Variants in SERPINE3 observed in about 807,000 individuals in gnomAD.
The protein encoded by SERPINE3 is serpin family E member 3, also known as serpin E3.
In SERPINE3, 43 loss-of-function variants were observed where a neutral mutation model predicts 41.7. The observed-to-expected ratio is 1.03, with a 90% CI of 0.81 to 1.33. SERPINE3 has a LOEUF of 1.33. SERPINE3 is among the 40% of genes most tolerant of loss of function. The pLI is 0.00. For missense variants in SERPINE3, 440 were observed against 491.7 expected (o/e 0.89, Z 0.99); for synonymous variants, 200 against 192.2 (o/e 1.04, Z -0.34).
rs764715360 is a variant in SERPINE3 at position 51,341,271 on chromosome 13, C to G, written c.180C>G (p.Pro60=). ...TCTCTCCTGCTGGTGTGTCCCTCCC[C>G]CTGGAGATCCTGCAGTTTGGAGCAG... The part of the protein sequence containing the change: ...FVISPAGVSL[P]LEILQFGAEG... Residue 60 remains proline (P), a synonymous_variant, in exon 3 of 10, where the codon CCC becomes CCG. Coordinates refer to ENST00000681248, the MANE Select transcript of SERPINE3 (RefSeq NM_001386375.1). 6.2e-7 allele frequency: 1 copy of G among 1,613,962 alleles called. No individual in the cohort carries two copies. Among genetic ancestry groups the G allele is most frequent in the Non-Finnish European group, 8.5e-7 (1 of 1,179,860 alleles).
intron 5 of SERPINE3, 32 bp from the exon 6 acceptor site, chr13:51,348,181 C>G: frequency 6.6e-7 from 1 of 1,515,874 alleles, no homozygotes; most frequent in Non-Finnish European, 9.0e-7. Context: ...GCTCCTGGGA[C>G]AGAGCTGACC....
intron 6 of SERPINE3, among the ~76,000 whole-genome samples, chr13:51,350,249 T>C (rs1955391571): frequency 6.6e-6 from 1 of 152,144 alleles, no homozygotes; most frequent in Admixed American, 6.5e-5. Context: ...CGAATTATGG[T>C]GTCTAGCTTC....
chr13:51,351,634 G>A (rs80265728), intron 6 of SERPINE3, among the ~76,000 whole-genome samples: 3,181 of 152,072 alleles, frequency 0.021, 53 homozygotes, highest in African/African-American at 0.05. Flanking sequence ...TGTTAATTTG[G>A]ATGAAGCTCA....
chr13:51,363,178 G>A (rs1203738240), intron 9 of SERPINE3: 1 of 151,924 alleles, frequency 6.6e-6, no homozygotes, highest in Non-Finnish European at 1.5e-5. Context: ...GAATTCAAGT[G>A]CATAAAAATG....
At chr13:51,346,812 T>C (rs1441194600) in intron 4 of SERPINE3, among the ~76,000 whole-genome samples, 1 of 152,226 alleles carries the variant, frequency 6.6e-6, no homozygotes, top group Non-Finnish European at 1.5e-5. Flanking sequence ...TCCTGGTGCC[T>C]TGGGTCCCTG....
chr13:51,344,107 T>G, intron 3 of SERPINE3, 145 bp from the exon 4 acceptor site: 2 of 656,572 alleles, frequency 3.0e-6, no homozygotes, highest in Non-Finnish European at 5.4e-6. Flanking sequence ...TATGACTTTT[T>G]CAAACTGGCT....
intron 6 of SERPINE3, among the ~76,000 whole-genome samples, chr13:51,352,700 A>ATG (rs935879579): frequency 3.9e-5 from 6 of 151,990 alleles, no homozygotes; most frequent in African/African-American, 1.4e-4. Context: ...TTTTACTGTA[A>ATG]TGTGTGATAT....
rs572759026 is a variant in SERPINE3 at position 51,348,773 on chromosome 13, A to G, written c.899+362A>G. The G allele has an allele frequency of 7.7e-5, 18 of 234,378 alleles. No individual in the cohort carries two copies. The South Asian group carries it at 1.0e-3, about 13-fold the overall frequency. 14.5% of individuals were successfully genotyped at this position (234,378 alleles called of 1,614,324 possible). A position where few individuals can be genotyped will look rare whatever the true frequency, so the allele number is the denominator to read the frequency against. On this transcript the variant is annotated intron_variant, in intron 6 of 9. Transcript: ENST00000681248. ...GGTTCCCTTGTAGGAACGTTGCCCA[A>G]ATCTTATCCCATCCTAAGAGTATAC... is the stretch of plus-strand genomic sequence containing the variant.
chr13:51,356,799 C>T (rs770042920), intron 7 of SERPINE3, among the ~76,000 whole-genome samples: 2 of 148,450 alleles, frequency 1.3e-5, no homozygotes, highest in South Asian at 2.1e-4. Context: ...TTTTTTTTAA[C>T]GCTATTCAAA....
rs1237523891 is a variant in SERPINE3, at chr13:51,364,329, AT to A, written c.*50del. ...CAATGCTTTTCTTCATAAAGTTATA[AT>A]TTCATTTTGCTATACCCTTGAAATT... On this transcript the variant is annotated 3_prime_UTR_variant, in exon 10 of 10. Transcript: ENST00000681248. The A allele has an allele frequency of 7.8e-6, 9 of 1,154,698 alleles. No individual in the cohort carries two copies. The highest frequency in any genetic ancestry group is 9.7e-6 in the Non-Finnish European group (8 of 822,744). The allele number at this position is 1,154,698 out of a possible 1,614,324, so 71.5% of individuals were successfully genotyped here.
chr13:51,346,953 C>T (rs980191979), intron 4 of SERPINE3, 72 bp from the exon 5 acceptor site: 8 of 1,150,966 alleles, frequency 7.0e-6, no homozygotes, highest in Admixed American at 2.0e-5. Flanking sequence ...ACTCCTTGTC[C>T]GCACACACAC....
At chr13:51,340,141 G>T (rs577471127) in intron 1 of SERPINE3, among the ~76,000 whole-genome samples, 1 of 152,326 alleles carries the variant, frequency 6.6e-6, no homozygotes, top group East Asian at 1.9e-4. Flanking sequence ...GAGTAGCAGG[G>T]TGAGCTGCTC....
At chr13:51,361,550 T>C (rs1244817007) in intron 8 of SERPINE3, 186 bp downstream of exon 8, 2 of 590,950 alleles carry the variant, frequency 3.4e-6, no homozygotes, top group Non-Finnish European at 3.0e-6. Flanking sequence ...AGAAGAGATA[T>C]CCATCCCATA....
At chr13:51,359,846 G>A (rs1406024269) in intron 7 of SERPINE3, among the ~76,000 whole-genome samples, 1 of 151,930 alleles carries the variant, frequency 6.6e-6, no homozygotes, top group South Asian at 2.1e-4. Flanking sequence ...TAGTAAGAGG[G>A]GCTAATTATT....
intron 3 of SERPINE3, among the ~76,000 whole-genome samples, chr13:51,343,999 C>A (rs1479177949): frequency 6.6e-6 from 1 of 152,180 alleles, no homozygotes; most frequent in Non-Finnish European, 1.5e-5. Flanking sequence ...TAGTGTTTTT[C>A]TATTTGACTT....
chr13:51,361,942 C>G, intron 9 of SERPINE3, 49 bp downstream of exon 9: 1 of 1,611,872 alleles, frequency 6.2e-7, no homozygotes, highest in South Asian at 1.1e-5. Context: ...CAGTGTCTCT[C>G]TAGCAACAAG....
At chr13:51,354,963 G>A (rs751246092) in intron 6 of SERPINE3, 80 bp from the exon 7 acceptor site, 95 of 696,530 alleles carry the variant, frequency 1.4e-4, no homozygotes, top group Non-Finnish European at 1.1e-4. Flanking sequence ...CCAAGTTAGG[G>A]ATTTTGGACT....
intron 3 of SERPINE3, 146 bp downstream of exon 3, chr13:51,341,493 TG>T: frequency 1.2e-6 from 1 of 825,792 alleles, no homozygotes. Context: ...CAGCTCACCC[TG>T]CTGCTCAGGC....
chr13:51,353,155 G>A (rs191273284), intron 6 of SERPINE3, among the ~76,000 whole-genome samples: 3 of 152,156 alleles, frequency 2.0e-5, no homozygotes, highest in Non-Finnish European at 2.9e-5. Context: ...AGCCATACAA[G>A]ACAATCACTC....
Sources: allele counts gnomAD v4.1 joint callset (sites outside exome capture counted in the v4.1 genomes callset), GRCh38; gene constraint gnomAD v4.1.1; transcripts MANE v1.5; gene names NCBI Gene and HGNC (gene_info 2026-07-23, HGNC 2026-07-21).